The following MCF2L variants were observed in gnomAD, a reference collection of about 807,000 sequenced individuals.
MCF2L encodes the protein MCF.2 cell line derived transforming sequence like.
In MCF2L, 97 loss-of-function variants were observed where a neutral mutation model predicts 153.4. The ratio of observed to expected loss-of-function variants is 0.63; its 90% confidence interval spans 0.54 to 0.75. The LOEUF (loss-of-function observed/expected upper bound fraction) is 0.75, where lower values mean the gene tolerates loss of function less well. Ranked by LOEUF, MCF2L falls within the 30% of genes least tolerant of loss-of-function variation. The pLI, the probability that MCF2L is intolerant of heterozygous loss-of-function variation, is 0.00. For synonymous variants in MCF2L, 659 were observed against 632.2 expected, an observed-to-expected ratio of 1.04 and a Z score of -0.64; for missense variants, 1,347 against 1,495.2, an observed-to-expected ratio of 0.90 and a Z score of 1.64.
chr13:113,047,651 A>G (rs1394510981), intron 4 of MCF2L, among the ~76,000 whole-genome samples: 1 of 152,160 alleles, frequency 6.6e-6, no homozygotes, highest in Non-Finnish European at 1.5e-5. Context: ...CTGCCAGGGC[A>G]CTTGCGGTGT....
At chr13:113,090,658 G>A in intron 26 of MCF2L, 1 of 985,474 alleles carries the variant, frequency 1.0e-6, no homozygotes. Context: ...CGGGGAAATG[G>A]GCCCAGGAGG....
intron 2 of MCF2L, among the ~76,000 whole-genome samples, chr13:112,926,810 G>T (rs940848625): frequency 6.6e-6 from 1 of 152,176 alleles, no homozygotes; most frequent in Non-Finnish European, 1.5e-5. Context: ...GGGGCGGGGT[G>T]GGATGTGCTG....
chr13:112,924,288 A>C (rs1223006211), intron 2 of MCF2L, among the ~76,000 whole-genome samples: 1 of 152,142 alleles, frequency 6.6e-6, no homozygotes, highest in East Asian at 1.9e-4. Flanking sequence ...CAGCACAGAC[A>C]CGGGAGTTTA....
chr13:112,997,414 A>G (rs1001566016), intron 1 of MCF2L, among the ~76,000 whole-genome samples: 1 of 152,114 alleles, frequency 6.6e-6, no homozygotes. Context: ...CATCCACGTC[A>G]CCCATAGCTG....
intron 13 of MCF2L, 146 bp from the exon 14 acceptor site, chr13:113,078,217 C>T (rs1306674376): frequency 3.0e-6 from 2 of 665,536 alleles, no homozygotes; most frequent in Non-Finnish European, 5.3e-6. Flanking sequence ...CCTGTGGCCT[C>T]AGAGGCCAAG....
At position 113,064,656 on chromosome 13, in the gene MCF2L, C is replaced by T. The variant is rs1477494785; in HGVS notation, c.606+236C>T. On this transcript the variant is annotated intron_variant, in intron 6 of 29. Coordinates refer to ENST00000535094, the MANE Select transcript of MCF2L (RefSeq NM_001112732.3). This position sits in a 1 kb window ranked among gnomAD's most constrained non-coding sequence, Gnocchi z 6.0. Reference sequence around the variant, plus strand: ...TGGAGACCAAAAAAAAAAAAAAAACCCTTGCGTTGTGGTTTGCAACACTCA... The same window carrying T: ...TGGAGACCAAAAAAAAAAAAAAAACTCTTGCGTTGTGGTTTGCAACACTCA... The T allele has an allele frequency of 1.7e-6, 1 of 581,080 alleles. No homozygotes were observed. The highest frequency in any genetic ancestry group is 3.1e-6 in the Non-Finnish European group (1 of 327,544). 36.0% of individuals were successfully genotyped at this position (581,080 alleles called of 1,614,324 possible). A position where few individuals can be genotyped will look rare whatever the true frequency, so the allele number is the denominator to read the frequency against.
At chr13:113,033,690 T>A (rs758734516) in intron 3 of MCF2L, among the ~76,000 whole-genome samples, 1 of 152,114 alleles carries the variant, frequency 6.6e-6, no homozygotes, top group Non-Finnish European at 1.5e-5. Context: ...CTGCCATCTC[T>A]GGCTGGCCTG....
At chr13:112,931,544 A>G (rs1412190863) in intron 2 of MCF2L, among the ~76,000 whole-genome samples, 1 of 152,150 alleles carries the variant, frequency 6.6e-6, no homozygotes, top group Non-Finnish European at 1.5e-5. Flanking sequence ...GACATACAGA[A>G]ATACTGTGCA....
At chr13:113,083,616 A>G (rs2051588569) in intron 17 of MCF2L, among the ~76,000 whole-genome samples, 1 of 152,208 alleles carries the variant, frequency 6.6e-6, no homozygotes, top group Non-Finnish European at 1.5e-5. Context: ...GCCTAGGGCC[A>G]GGGCTCAGGG....
intron 2 of MCF2L, among the ~76,000 whole-genome samples, chr13:112,911,738 C>T (rs980492877): frequency 3.9e-5 from 6 of 152,272 alleles, no homozygotes; most frequent in Non-Finnish European, 8.8e-5. Flanking sequence ...GGACCTCACA[C>T]GGATGCGCTG....
At chr13:112,948,724 C>A (rs2081661724) in intron 2 of MCF2L, among the ~76,000 whole-genome samples, 1 of 152,044 alleles carries the variant, frequency 6.6e-6, no homozygotes. Flanking sequence ...GCAAAATAAA[C>A]CCAAAGAAAA....
At chr13:112,949,200 A>G (rs1259991384) in intron 2 of MCF2L, among the ~76,000 whole-genome samples, 1 of 152,262 alleles carries the variant, frequency 6.6e-6, no homozygotes, top group Non-Finnish European at 1.5e-5. Context: ...CTCACCCAAC[A>G]GGAAGTAGAT....
At chr13:113,000,250 G>A (rs988965038) in intron 1 of MCF2L, among the ~76,000 whole-genome samples, 1 of 152,206 alleles carries the variant, frequency 6.6e-6, no homozygotes, top group Non-Finnish European at 1.5e-5. Context: ...AGCTCACACC[G>A]TGGGTACCAG....
intron 3 of MCF2L, among the ~76,000 whole-genome samples, chr13:113,026,670 G>A (rs865825022): frequency 4.6e-5 from 7 of 152,360 alleles, no homozygotes; most frequent in Non-Finnish European, 8.8e-5. Context: ...GCCCGTCCAC[G>A]TGGCCTCTCT....
intron 1 of MCF2L, among the ~76,000 whole-genome samples, chr13:113,006,865 A>G (rs1169963276): frequency 6.6e-6 from 1 of 152,186 alleles, no homozygotes; most frequent in African/African-American, 2.4e-5. Flanking sequence ...GGGCAGGCCC[A>G]GGTCTGTGGC....
At chr13:113,017,010 T>C (rs1006291401) in intron 2 of MCF2L, among the ~76,000 whole-genome samples, 1 of 152,176 alleles carries the variant, frequency 6.6e-6, no homozygotes, top group African/African-American at 2.4e-5. Flanking sequence ...ACCACGCTGT[T>C]CTCAGGATCC....
intron 9 of MCF2L, among the ~76,000 whole-genome samples, chr13:113,071,218 C>A (rs902540642): frequency 6.6e-6 from 1 of 152,044 alleles, no homozygotes; most frequent in Admixed American, 6.6e-5. Context: ...TTTCTGTTGC[C>A]CATTTTCTAA....
chr13:112,967,087 G>C (rs1389347609), upstream of MCF2L, among the ~76,000 whole-genome samples: 1 of 151,616 alleles, frequency 6.6e-6, no homozygotes, highest in Non-Finnish European at 1.5e-5. Flanking sequence ...GGAGGGTGTT[G>C]TGCCTTAGAC....
intron 3 of MCF2L, among the ~76,000 whole-genome samples, chr13:113,038,853 T>C (rs538863921): frequency 1.1e-4 from 17 of 152,300 alleles, no homozygotes; most frequent in African/African-American, 3.9e-4. Context: ...TTGATTTATT[T>C]ATTGATTTAT....
Sources: allele counts gnomAD v4.1 joint callset (sites outside exome capture counted in the v4.1 genomes callset), GRCh38; gene constraint gnomAD v4.1.1; non-coding constraint Gnocchi (gnomAD v3.1); transcripts MANE v1.5; gene names NCBI Gene and HGNC (gene_info 2026-07-23, HGNC 2026-07-21).